WRNIP1: variants seen among roughly 807,000 people sequenced by gnomAD.
WRNIP1 encodes WRN helicase interacting protein 1.
In WRNIP1, 41 loss-of-function variants were observed where a neutral mutation model predicts 56.1. The observed-to-expected ratio is 0.73, with a 90% CI of 0.57 to 0.95. The LOEUF is 0.95. WRNIP1 is among the 40% of genes least tolerant of loss of function. The pLI, the probability that WRNIP1 is intolerant of heterozygous loss-of-function variation, is 0.00. For missense variants in WRNIP1, 1,170 were observed against 939.4 expected (o/e 1.25, Z -3.21); for synonymous variants, 547 against 398.1 (o/e 1.37, Z -4.45).
chr6:2,772,902 G>T, intron 3 of WRNIP1: 2 of 900,046 alleles, frequency 2.2e-6, no homozygotes, highest in Non-Finnish European at 2.7e-6. Flanking sequence ...TGAAAGAAAA[G>T]ACTTCCAACC....
In WRNIP1 at chr6:2,768,763, A is replaced by C; in HGVS notation, c.895A>C (p.Asn299His). 6.2e-7 allele frequency: 1 copy of C among 1,614,058 alleles called. No individual in the cohort carries two copies. The highest frequency in any genetic ancestry group is 1.1e-5 in the South Asian group (1 of 91,062). The change falls in exon 2 of 7, where the codon AAT becomes CAT. Residue 299 changes from asparagine (N) to histidine (H), a missense_variant. Transcript: ENST00000380773. Reference protein sequence around the residue: ...SIRFVTLSATNAKTNDVRDVI... With the variant: ...SIRFVTLSATHAKTNDVRDVI... ...AAGGTTTGTGACATTATCTGCAACA[A>C]ATGCCAAGACAAATGATGTGCGAGA...
intron 4 of WRNIP1, among the ~76,000 whole-genome samples, 156 bp downstream of exon 4, chr6:2,779,648 CT>C (rs1457032970): frequency 4.6e-5 from 7 of 152,072 alleles, no homozygotes. Flanking sequence ...GGTATTAAGC[CT>C]TCTACACAGG....
intron 3 of WRNIP1, among the ~76,000 whole-genome samples, chr6:2,777,739 G>A (rs1312248024): frequency 6.6e-6 from 1 of 152,168 alleles, no homozygotes. Flanking sequence ...ACTAATTTCT[G>A]GTTGAGCAGT....
intron 3 of WRNIP1, among the ~76,000 whole-genome samples, chr6:2,772,592 C>T (rs1447103294): frequency 2.0e-5 from 3 of 152,142 alleles, no homozygotes; most frequent in Non-Finnish European, 2.9e-5. Context: ...AATACTATTG[C>T]CCTTTTCATC....
At chr6:2,772,335 C>T (rs957196512) in intron 3 of WRNIP1, among the ~76,000 whole-genome samples, 11 of 152,198 alleles carry the variant, frequency 7.2e-5, no homozygotes, top group Non-Finnish European at 1.6e-4. Context: ...ATTTCCACTA[C>T]CGCTTGCTTA....
intron 3 of WRNIP1, among the ~76,000 whole-genome samples, chr6:2,770,742 C>T: frequency 6.6e-6 from 1 of 151,956 alleles, no homozygotes; most frequent in East Asian, 1.9e-4. Flanking sequence ...CTAGACTTAC[C>T]ATACAACTCT....
At chr6:2,783,311 C>T (rs917261765) in intron 4 of WRNIP1, 95 bp from the exon 5 acceptor site, 52 of 1,363,628 alleles carry the variant, frequency 3.8e-5, no homozygotes, top group African/African-American at 7.4e-5. Flanking sequence ...GGCCTTTATT[C>T]GTTCAGGCTT....
At chr6:2,772,676 CAAG>C (rs1287158539) in intron 3 of WRNIP1, among the ~76,000 whole-genome samples, 1 of 152,160 alleles carries the variant, frequency 6.6e-6, no homozygotes, top group Non-Finnish European at 1.5e-5. Flanking sequence ...GCAATTCTAA[CAAG>C]AAGTTAAGTT....
chr6:2,780,403 G>A (rs1765527666), intron 4 of WRNIP1, among the ~76,000 whole-genome samples: 1 of 152,194 alleles, frequency 6.6e-6, no homozygotes, highest in Non-Finnish European at 1.5e-5. Context: ...TCGTGGGTGA[G>A]CACACTCGCT....
intron 4 of WRNIP1, among the ~76,000 whole-genome samples, chr6:2,782,429 C>T (rs1765583297): frequency 6.6e-6 from 1 of 152,254 alleles, no homozygotes; most frequent in Non-Finnish European, 1.5e-5. Context: ...CGCTTGCTCT[C>T]TTCTCCACCT....
chr6:2,773,193 A>C, intron 3 of WRNIP1: 1 of 985,436 alleles, frequency 1.0e-6, no homozygotes. Flanking sequence ...TTTTAAAAAA[A>C]AATTCCCTCC....
chr6:2,785,660 G>A lies in WRNIP1; in HGVS notation c.*378G>A, dbSNP rs560753214. The A allele has an allele frequency of 5.7e-5, 12 of 209,124 alleles. No homozygotes were observed. The highest frequency in any genetic ancestry group is 3.5e-4 in the South Asian group (4 of 11,444). 13.0% of individuals were successfully genotyped at this position (209,124 alleles called of 1,614,324 possible). A position where few individuals can be genotyped will look rare whatever the true frequency, so the allele number is the denominator to read the frequency against. ...GGGTAGTTTTAATTGGTAAAAAAAT[G>A]TAATTGTGATTTAATACTGCATAGT... On this transcript the variant is annotated 3_prime_UTR_variant, in exon 7 of 7. Transcript: ENST00000380773.
chr6:2,773,833 T>C (rs1056104113), intron 3 of WRNIP1: 1 of 974,024 alleles, frequency 1.0e-6, no homozygotes, highest in African/African-American at 1.8e-5. Context: ...GAGAGTGAAA[T>C]GAGAAGCCAT....
intron 3 of WRNIP1, among the ~76,000 whole-genome samples, chr6:2,772,550 TAATTACCCA>T (rs1178433650): frequency 1.3e-4 from 20 of 152,248 alleles, no homozygotes; most frequent in African/African-American, 4.8e-4. Flanking sequence ...GCATAAGGGA[TAATTACCCA>T]GGTATCAAGA....
chr6:2,780,840 C>T (rs1298418146), intron 4 of WRNIP1, among the ~76,000 whole-genome samples: 1 of 152,158 alleles, frequency 6.6e-6, no homozygotes, highest in African/African-American at 2.4e-5. Context: ...ACGACTAGGA[C>T]TGTTCTTTGA....
intron 4 of WRNIP1, 36 bp downstream of exon 4, chr6:2,779,528 C>G: frequency 9.5e-6 from 15 of 1,583,978 alleles, no homozygotes; most frequent in Non-Finnish European, 1.3e-5. Context: ...TGAAACCATA[C>G]GGAAAGAAGT....
At chr6:2,766,822 A>G (rs1765026839) in intron 1 of WRNIP1, among the ~76,000 whole-genome samples, 1 of 152,096 alleles carries the variant, frequency 6.6e-6, no homozygotes. Flanking sequence ...TAAATTGTAA[A>G]GAAACATTTG....
intron 1 of WRNIP1, among the ~76,000 whole-genome samples, chr6:2,766,668 G>A (rs1765013902): frequency 6.6e-6 from 1 of 152,218 alleles, no homozygotes; most frequent in Non-Finnish European, 1.5e-5. Flanking sequence ...GGCTTGCCGG[G>A]TTTGCAAAAG....
intron 1 of WRNIP1, among the ~76,000 whole-genome samples, chr6:2,767,480 C>T (rs965087330): frequency 6.6e-6 from 1 of 152,228 alleles, no homozygotes; most frequent in Non-Finnish European, 1.5e-5. Context: ...AACTCCAGTT[C>T]CTGGAATGAA....
Sources: allele counts gnomAD v4.1 joint callset (sites outside exome capture counted in the v4.1 genomes callset), GRCh38; gene constraint gnomAD v4.1.1; transcripts MANE v1.5; gene names NCBI Gene and HGNC (gene_info 2026-07-23, HGNC 2026-07-21).